Variants in SLC20A2 observed in about 807,000 individuals in gnomAD.
SLC20A2 encodes sodium-dependent phosphate transporter 2.
In SLC20A2, 30 loss-of-function variants were observed where a neutral mutation model predicts 61.0. That is an observed-to-expected ratio of 0.49 (90% CI 0.37 to 0.67). The LOEUF is 0.67. Among genes scored for constraint, SLC20A2 ranks in the 30% least tolerant of loss-of-function variants. SLC20A2 has a pLI of 0.00. For missense variants in SLC20A2, 626 were observed against 866.4 expected (o/e 0.72, Z 3.48); for synonymous variants, 351 against 353.3 (o/e 0.99, Z 0.07).
At chr8:42,517,915 G>A (rs932700470) in intron 1 of SLC20A2, among the ~76,000 whole-genome samples, 1 of 152,108 alleles carries the variant, frequency 6.6e-6, no homozygotes, top group Middle Eastern at 3.2e-3. Context: ...AACATTGTTT[G>A]TAGTGGCAAA....
At chr8:42,447,411 C>T (rs1039370734) in intron 5 of SLC20A2, among the ~76,000 whole-genome samples, 6 of 151,602 alleles carry the variant, frequency 4.0e-5, no homozygotes, top group African/African-American at 1.5e-4. Flanking sequence ...GGTGCGGTGG[C>T]TCATGCCTGT....
At chr8:42,506,035 G>A (rs1810679395), upstream of SLC20A2, among the ~76,000 whole-genome samples, 1 of 152,130 alleles carries the variant, frequency 6.6e-6, no homozygotes, top group Admixed American at 6.5e-5. Flanking sequence ...TCCGCCTCCT[G>A]TGTTCAAGGA....
chr8:42,451,938 G>A (rs542553571), intron 5 of SLC20A2, among the ~76,000 whole-genome samples: 25 of 128,742 alleles, frequency 1.9e-4, no homozygotes, highest in African/African-American at 6.1e-4. Flanking sequence ...TGAAGAGGAG[G>A]AGGAGGAAGA....
At chr8:42,483,331 A>AT (rs1432347206) in intron 1 of SLC20A2, among the ~76,000 whole-genome samples, 2 of 152,228 alleles carry the variant, frequency 1.3e-5, no homozygotes, top group African/African-American at 2.4e-5. Flanking sequence ...AGATCGTGCC[A>AT]TTGCACTCCA....
Position 42,465,893 on chromosome 8 carries a change from G to A in SLC20A2, c.314C>T (p.Ala105Val). The A allele has an allele frequency of 6.2e-7, 1 of 1,613,144 alleles. No homozygotes were observed. The highest frequency in any genetic ancestry group is 8.5e-7 in the Non-Finnish European group (1 of 1,179,764). ...MVGSAVWQLI[A>V]SFLRLPISGT... ...TGAGATTGGAAGCCTCAGGAAGGAA[G>A]CAATCAGCTGCCACACAGCGGAACC... The change falls in exon 3 of 11, where the codon GCT (alanine) becomes GTT (valine). Residue 105 changes from alanine to valine, a missense_variant. Transcript: ENST00000520262.
chr8:42,486,169 T>C (rs1482073893), intron 1 of SLC20A2, among the ~76,000 whole-genome samples: 2 of 151,200 alleles, frequency 1.3e-5, no homozygotes, highest in Non-Finnish European at 2.9e-5. Flanking sequence ...TGTGTGTGTG[T>C]ATGTGTGGAC....
At position 42,516,742 on chromosome 8, in the gene SLC20A2, T is replaced by C. The variant is rs570974635; in HGVS notation, c.-265+25079A>G. Among the ~76,000 whole-genome samples the C allele has an allele frequency of 2.6e-5, 4 of 152,312 alleles. No individual in the cohort carries two copies. The South Asian group carries it at 8.3e-4, about 32-fold the overall frequency. ...TTCCTGATATGACTTCCTTTCTCCATCCACCACTAGTCCTGCCTCCCTCGT... is the reference window on the plus strand; with the variant it reads ...TTCCTGATATGACTTCCTTTCTCCACCCACCACTAGTCCTGCCTCCCTCGT... On this transcript the variant is annotated intron_variant, in intron 1 of 10. Transcript: ENST00000342228.
At chr8:42,499,907 C>G (rs957847186) in intron 1 of SLC20A2, among the ~76,000 whole-genome samples, 7 of 152,200 alleles carry the variant, frequency 4.6e-5, no homozygotes, top group Non-Finnish European at 1.0e-4. Context: ...CTCAGTACTA[C>G]TTTCCTTTCT....
At chr8:42,447,547 G>A (rs192515847) in intron 5 of SLC20A2, among the ~76,000 whole-genome samples, 2,711 of 151,908 alleles carry the variant, frequency 0.018, 68 homozygotes, top group African/African-American at 0.06. Flanking sequence ...GCGTGGTGGT[G>A]GGCACCTGTA....
At chr8:42,512,433 C>A (rs2131377000) in intron 1 of SLC20A2, among the ~76,000 whole-genome samples, 1 of 151,792 alleles carries the variant, frequency 6.6e-6, no homozygotes, top group East Asian at 1.9e-4. Flanking sequence ...TCACTGTAAC[C>A]TCTGCTTCCT....
chr8:42,538,193 G>A (rs1437545639), intron 1 of SLC20A2: 1 of 149,116 alleles, frequency 6.7e-6, no homozygotes. Flanking sequence ...TCATTTAATA[G>A]GTAAATATAA....
chr8:42,432,114 G>A (rs1203053548), intron 8 of SLC20A2, among the ~76,000 whole-genome samples: 1 of 152,212 alleles, frequency 6.6e-6, no homozygotes. Context: ...CCTCTGATGG[G>A]TCTAGGGAGT....
At chr8:42,477,887 C>A (rs1808248554) in intron 1 of SLC20A2, among the ~76,000 whole-genome samples, 1 of 150,986 alleles carries the variant, frequency 6.6e-6, no homozygotes, top group South Asian at 2.1e-4. Flanking sequence ...AAACTATTGG[C>A]AATTTCTTTT....
At chr8:42,505,545 G>A (rs998834318), upstream of SLC20A2, among the ~76,000 whole-genome samples, 3 of 152,132 alleles carry the variant, frequency 2.0e-5, no homozygotes, top group East Asian at 1.9e-4. Context: ...GATAGGTCAT[G>A]GAGAAATCAG....
chr8:42,445,198 G>A (rs537142271), intron 5 of SLC20A2, among the ~76,000 whole-genome samples: 14 of 152,052 alleles, frequency 9.2e-5, no homozygotes, highest in African/African-American at 3.4e-4. Context: ...AGGCTGAGGC[G>A]GGAGATTCGT....
intron 1 of SLC20A2, among the ~76,000 whole-genome samples, chr8:42,476,399 G>A (rs929876576): frequency 6.6e-6 from 1 of 152,066 alleles, no homozygotes; most frequent in South Asian, 2.1e-4. Flanking sequence ...CACCGTGCCC[G>A]GCCGGTTTAC....
chr8:42,462,950 G>T, intron 4 of SLC20A2, 55 bp downstream of exon 4: 1 of 1,085,788 alleles, frequency 9.2e-7, no homozygotes, highest in Non-Finnish European at 1.4e-6. Flanking sequence ...AATTTCTACT[G>T]AGTAGAGCCA....
At chr8:42,420,646 A>T (rs1447983860) in intron 10 of SLC20A2, among the ~76,000 whole-genome samples, 1 of 152,236 alleles carries the variant, frequency 6.6e-6, no homozygotes, top group East Asian at 1.9e-4. Context: ...GGTTCCATCC[A>T]TTGCTATCTA....
At chr8:42,510,773 T>G (rs1810985062) in intron 1 of SLC20A2, among the ~76,000 whole-genome samples, 1 of 152,028 alleles carries the variant, frequency 6.6e-6, no homozygotes. Context: ...AAAATGAGGA[T>G]AAGGATCCAT....
Sources: gnomAD v4.1 joint callset for allele counts (sites outside exome capture counted in the v4.1 genomes callset) on GRCh38, gnomAD v4.1.1 for gene constraint, MANE v1.5 for transcripts, NCBI Gene and HGNC (gene_info 2026-07-23, HGNC 2026-07-21) for gene names.